SLC35F4: variants seen among roughly 807,000 people sequenced by gnomAD.
SLC35F4 encodes the protein solute carrier family 35 member F4.
In SLC35F4, 24 loss-of-function variants were observed where a neutral mutation model predicts 44.2. That is an observed-to-expected ratio of 0.54 (90% CI 0.39 to 0.76). SLC35F4 has a LOEUF of 0.76. Ranked by LOEUF, SLC35F4 falls within the 30% of genes least tolerant of loss-of-function variation. SLC35F4 has a pLI of 0.00. For missense variants in SLC35F4, 562 were observed against 586.1 expected (o/e 0.96, Z 0.42); for synonymous variants, 238 against 223.6 (o/e 1.06, Z -0.57).
chr14:57,805,379 A>G (rs1384087937), intron 1 of SLC35F4, among the ~76,000 whole-genome samples: 2 of 152,254 alleles, frequency 1.3e-5, no homozygotes, highest in Non-Finnish European at 2.9e-5. Context: ...CTAAATGCCC[A>G]TCAATGATAG....
At chr14:57,653,055 A>G (rs951147009) in intron 1 of SLC35F4, among the ~76,000 whole-genome samples, 1 of 152,228 alleles carries the variant, frequency 6.6e-6, no homozygotes, top group African/African-American at 2.4e-5. Flanking sequence ...AGACTGCAGA[A>G]GCCTTTGCCT....
rs541519176 is a variant in SLC35F4 at position 57,756,428 on chromosome 14, T to C, written c.103+109295A>G. Among the ~76,000 whole-genome samples, 455 of 152,262 alleles carry C rather than the reference T, an allele frequency of 3.0e-3. 7 individuals are homozygous for C. The highest frequency in any genetic ancestry group is 8.4e-4 in the Non-Finnish European group (57 of 68,010). The stretch of plus-strand genomic sequence containing the variant: ...GAATGAAATTCCAATTTAATTCCAA[T>C]GGAAGCAGAAAACATACTCTGTATG... On this transcript the variant is annotated intron_variant, in intron 1 of 7. Transcript: ENST00000556826.
chr14:57,939,860 C>T (rs1003565818), intron 1 of SLC35F4, among the ~76,000 whole-genome samples: 15 of 152,120 alleles, frequency 9.9e-5, no homozygotes, highest in African/African-American at 1.4e-4. Context: ...TTTTTACATT[C>T]GCACTGCAAA....
intron 1 of SLC35F4, among the ~76,000 whole-genome samples, chr14:57,655,495 T>C (rs1033703154): frequency 6.6e-6 from 1 of 152,126 alleles, no homozygotes; most frequent in Non-Finnish European, 1.5e-5. Context: ...CCCAGAATTG[T>C]GCAACACAGC....
intron 1 of SLC35F4, among the ~76,000 whole-genome samples, chr14:57,615,922 T>A (rs947205832): frequency 2.0e-5 from 3 of 152,210 alleles, no homozygotes; most frequent in African/African-American, 4.8e-5. Flanking sequence ...CTGGTTTAAC[T>A]ACTACTAACT....
intron 1 of SLC35F4, among the ~76,000 whole-genome samples, chr14:57,610,452 TC>T (rs1477699097): frequency 3.3e-5 from 5 of 152,246 alleles, no homozygotes; most frequent in Non-Finnish European, 7.4e-5. Flanking sequence ...AACTGTACCA[TC>T]TGGACTCAAT....
At chr14:57,972,377 A>G (rs1594663154), downstream of SLC35F4, among the ~76,000 whole-genome samples, 4 of 152,260 alleles carry the variant, frequency 2.6e-5, no homozygotes, top group East Asian at 5.8e-4. Context: ...GTCCAGGTGG[A>G]GATACTGGTG....
At chr14:57,782,370 T>C (rs2077643674) in intron 1 of SLC35F4, among the ~76,000 whole-genome samples, 1 of 142,726 alleles carries the variant, frequency 7.0e-6, no homozygotes, top group Non-Finnish European at 1.5e-5. Context: ...CTGAGTAGCC[T>C]AGAAATATCA....
At chr14:57,650,206 A>T (rs2073728841) in intron 1 of SLC35F4, among the ~76,000 whole-genome samples, 1 of 151,922 alleles carries the variant, frequency 6.6e-6, no homozygotes, top group Non-Finnish European at 1.5e-5. Flanking sequence ...ATTTAATATT[A>T]CCCATAGGCT....
intron 1 of SLC35F4, among the ~76,000 whole-genome samples, chr14:57,654,466 C>T (rs2073894186): frequency 6.6e-6 from 1 of 152,154 alleles, no homozygotes; most frequent in African/African-American, 2.4e-5. Context: ...TGTATATATA[C>T]CACATTTTCT....
At chr14:57,590,432 G>T (rs1372770298) in intron 2 of SLC35F4, among the ~76,000 whole-genome samples, 1 of 151,726 alleles carries the variant, frequency 6.6e-6, no homozygotes, top group African/African-American at 2.4e-5. Flanking sequence ...AAAGTAATGT[G>T]TCCCAAGAAT....
intron 1 of SLC35F4, among the ~76,000 whole-genome samples, chr14:57,723,819 T>C (rs1476008824): frequency 6.6e-6 from 1 of 152,206 alleles, no homozygotes; most frequent in Non-Finnish European, 1.5e-5. Flanking sequence ...GTCCATTACA[T>C]TGATGATATT....
chr14:57,817,314 G>T (rs1045284033), intron 1 of SLC35F4, among the ~76,000 whole-genome samples: 1 of 152,120 alleles, frequency 6.6e-6, no homozygotes, highest in African/African-American at 2.4e-5. Flanking sequence ...AAAGCCCTGA[G>T]AATTTTGAAT....
chr14:57,956,514 C>T (rs1041385114), intron 1 of SLC35F4, among the ~76,000 whole-genome samples: 10 of 151,876 alleles, frequency 6.6e-5, no homozygotes, highest in South Asian at 2.1e-4. Flanking sequence ...ACCTACAGAA[C>T]GGGAGAAAAT....
intron 4 of SLC35F4, among the ~76,000 whole-genome samples, chr14:57,574,773 C>T (rs918257735): frequency 6.6e-6 from 1 of 152,134 alleles, no homozygotes; most frequent in African/African-American, 2.4e-5. Context: ...CTCTGCTTGG[C>T]ACCACTGGTT....
chr14:57,735,691 A>G (rs1374385408), intron 1 of SLC35F4, among the ~76,000 whole-genome samples: 1 of 151,710 alleles, frequency 6.6e-6, no homozygotes, highest in East Asian at 1.9e-4. Flanking sequence ...ATTGCTTAAA[A>G]CAAGTCAAAA....
intron 4 of SLC35F4, among the ~76,000 whole-genome samples, chr14:57,573,317 A>T (rs564620849): frequency 6.6e-6 from 1 of 152,242 alleles, no homozygotes; most frequent in African/African-American, 2.4e-5. Flanking sequence ...TTAATGAAAA[A>T]CAGCAGGAGT....
At position 57,566,522 on chromosome 14, in the gene SLC35F4, G is replaced by A; in HGVS notation, c.1169C>T (p.Pro390Leu). Reference sequence around the variant, plus strand: ...CACTGTCCCAATGGAGATTAGGATTGGGTATGTCAGCACCACCCCAACATT... The same window carrying A: ...CACTGTCCCAATGGAGATTAGGATTAGGTATGTCAGCACCACCCCAACATT... Reference protein sequence around the residue: ...LVNVGVVLTYPILISIGTVLS... With the variant: ...LVNVGVVLTYLILISIGTVLS... Residue 390 changes from proline to leucine, a missense_variant, in exon 7 of 8, where the codon CCA becomes CTA. Pro to Leu is a moderately conservative substitution (Grantham distance 98). Coordinates refer to ENST00000556826, the MANE Select transcript of SLC35F4 (RefSeq NM_001306087.2). The A allele has an allele frequency of 6.2e-7, 1 of 1,602,330 alleles. No individual in the cohort carries two copies. Among genetic ancestry groups the A allele is most frequent in the Non-Finnish European group, 8.5e-7 (1 of 1,174,608 alleles).
chr14:57,609,119 G>C (rs997118633), intron 1 of SLC35F4, among the ~76,000 whole-genome samples: 1 of 152,164 alleles, frequency 6.6e-6, no homozygotes, highest in African/African-American at 2.4e-5. Flanking sequence ...TCTGTTATGC[G>C]GGAGGTAGGG....
Sources: gnomAD v4.1 joint callset for allele counts (sites outside exome capture counted in the v4.1 genomes callset) on GRCh38, gnomAD v4.1.1 for gene constraint, MANE v1.5 for transcripts, NCBI Gene and HGNC (gene_info 2026-07-23, HGNC 2026-07-21) for gene names.